Variants in EVC observed in about 807,000 individuals in gnomAD.
EVC encodes the protein EvC ciliary complex subunit 1, also known as evC complex member EVC.
In EVC, 116 loss-of-function variants were observed where a neutral mutation model predicts 118.9. That is an observed-to-expected ratio of 0.98 (90% CI 0.84 to 1.14). EVC has a LOEUF of 1.14. Among genes scored for constraint, EVC ranks in the 50% most tolerant of loss-of-function variants. The probability of loss-of-function intolerance (pLI) is 0.00; values close to 1 mark genes in which losing one functional copy is unlikely to be tolerated. For synonymous variants in EVC, 619 were observed against 534.7 expected, an observed-to-expected ratio of 1.16 and a Z score of -2.18; for missense variants, 1,401 against 1,246.4, an observed-to-expected ratio of 1.12 and a Z score of -1.87.
intron 13 of EVC, among the ~76,000 whole-genome samples, chr4:5,796,219 T>C (rs1713935128): frequency 6.6e-6 from 1 of 152,196 alleles, no homozygotes; most frequent in Admixed American, 6.5e-5. Context: ...CTGGAACATA[T>C]TAATCATAAT....
intron 1 of EVC, among the ~76,000 whole-genome samples, chr4:5,718,518 C>G (rs766846842): frequency 3.3e-5 from 5 of 151,500 alleles, no homozygotes; most frequent in Admixed American, 6.6e-5. Context: ...CACAGAAATG[C>G]AAAAACTGTG....
intron 8 of EVC, among the ~76,000 whole-genome samples, chr4:5,751,157 C>G (rs899695): frequency 0.86 from 131,478 of 152,186 alleles, 57,134 homozygotes; most frequent in African/African-American, 0.97. Flanking sequence ...CTCAATGCTT[C>G]ACGTATTTTG....
chr4:5,770,276 C>T (rs935904571), intron 11 of EVC, among the ~76,000 whole-genome samples: 1 of 152,164 alleles, frequency 6.6e-6, no homozygotes, highest in Non-Finnish European at 1.5e-5. Flanking sequence ...GCCTCCAGCC[C>T]TTCAGAGGTC....
chr4:5,783,703 C>T lies in EVC; in HGVS notation c.1715C>T (p.Ser572Leu). Residue 572 changes from serine to leucine, a missense_variant, in exon 12 of 21, where the codon TCA becomes TTA. Coordinates refer to ENST00000264956, the MANE Select transcript of EVC (RefSeq NM_153717.3). ...AACGCTGCCTGGCAGCTGGGGAAGT[C>T]AAATCGCTTCCGGAGGCAGCAGTGG... The part of the protein sequence containing the change: ...QENAAWQLGK[S>L]NRFRRQQWKL... 2 of 1,613,982 alleles carry T rather than the reference C, an allele frequency of 1.2e-6. No homozygotes were observed. Among genetic ancestry groups the T allele is most frequent in the Non-Finnish European group, 1.7e-6 (2 of 1,179,938 alleles).
At chr4:5,757,503 C>T (rs1444273869) in intron 11 of EVC, among the ~76,000 whole-genome samples, 2 of 152,220 alleles carry the variant, frequency 1.3e-5, no homozygotes, top group Admixed American at 6.5e-5. Context: ...AACAGAAAAG[C>T]GTTCTCTCAA....
intron 1 of EVC, among the ~76,000 whole-genome samples, chr4:5,715,229 T>G (rs1432887522): frequency 1.3e-5 from 2 of 152,224 alleles, no homozygotes; most frequent in African/African-American, 4.8e-5. Context: ...CCATTTTATC[T>G]TCTTGAGAAA....
chr4:5,811,291 G>C lies in EVC; in HGVS notation c.*254G>C. ...TTCATTTGGCTTGGAGCCCTGGCTC[G>C]ATGCCTCATGGATCTTTCTCCCCAA... On this transcript the variant is annotated 3_prime_UTR_variant, in exon 21 of 21. Transcript: ENST00000264956. The C allele has an allele frequency of 2.1e-6, 1 of 469,278 alleles. No individual in the cohort carries two copies. Among genetic ancestry groups the C allele is most frequent in the East Asian group, 4.0e-5 (1 of 24,948 alleles). 29.1% of individuals were successfully genotyped at this position (469,278 alleles called of 1,614,324 possible).
chr4:5,810,518 A>G, intron 20 of EVC, 68 bp downstream of exon 20: 1 of 1,204,690 alleles, frequency 8.3e-7, no homozygotes, highest in Non-Finnish European at 1.2e-6. Context: ...GCTGTGTGCC[A>G]AAAGTCAGGG....
Position 5,742,256 on chromosome 4 carries a change from C to T in EVC, c.801+442C>T, listed in dbSNP as rs1448185809. ...GTATCCTGGCTTTATCTTTTACAAG[C>T]TCTCAGAATCGTAGTTTCCTTTTTG... On this transcript the variant is annotated intron_variant, in intron 6 of 20. Transcript: ENST00000264956. This position sits in a 1 kb window ranked among gnomAD's most constrained non-coding sequence, Gnocchi z 5.2. Among the ~76,000 whole-genome samples the T allele has an allele frequency of 1.3e-5, 2 of 152,156 alleles. No individual in the cohort carries two copies. The highest frequency in any genetic ancestry group is 2.9e-5 in the Non-Finnish European group (2 of 68,040).
chr4:5,774,980 G>T (rs1338403798), intron 11 of EVC, among the ~76,000 whole-genome samples: 7 of 151,062 alleles, frequency 4.6e-5, no homozygotes, highest in African/African-American at 1.7e-4. Flanking sequence ...ACAGGATCCA[G>T]CACATTTCTT....
At position 5,745,266 on chromosome 4, in the gene EVC, T is replaced by C; in HGVS notation, c.864T>C (p.Ala288=). Residue 288 remains alanine, a synonymous_variant, in exon 7 of 21, where the codon GCT becomes GCC. Transcript: ENST00000264956. ...TGTCAAACACAGAAATGTCGGGGGC[T>C]GGTGACTCTGAGTACATCACCCTGG... is the stretch of plus-strand genomic sequence containing the variant. ...VKLSNTEMSG[A]GDSEYITLAD... 6.2e-7 allele frequency: 1 copy of C among 1,614,056 alleles called. No individual in the cohort carries two copies.
Position 5,783,532 on chromosome 4 carries a change from T to C in EVC, c.1564-20T>C. On this transcript the variant is annotated intron_variant, in intron 11 of 20. Transcript: ENST00000264956. ...GGTCCTGCCGTGACCTGTAACCCCA[T>C]CTGTGGTTCTCCGCTCCAGGAGCTG... 6.2e-7 allele frequency: 1 copy of C among 1,613,630 alleles called. No individual in the cohort carries two copies. Among genetic ancestry groups the C allele is most frequent in the South Asian group, 1.1e-5 (1 of 91,034 alleles).
At chr4:5,816,735 T>C (rs532635156), downstream of EVC, among the ~76,000 whole-genome samples, 8 of 143,900 alleles carry the variant, frequency 5.6e-5, no homozygotes, top group East Asian at 1.8e-3. Flanking sequence ...ATCATGGGGC[T>C]GTCAGCTGCA....
rs140333311 is a variant in EVC, at chr4:5,758,014, C to T, written c.1563+1652C>T. 4,852 of 697,352 alleles carry T rather than the reference C, an allele frequency of 7.0e-3. 36 individuals are homozygous for T. Among genetic ancestry groups the T allele is most frequent in the South Asian group, 0.021 (1,389 of 66,470 alleles). The allele number at this position is 697,352 out of a possible 1,614,324, so 43.2% of individuals were successfully genotyped here. A position where few individuals can be genotyped will look rare whatever the true frequency, so the allele number is the denominator to read the frequency against. Reference sequence around the variant, plus strand: ...GCTTTGCAGATGTAATTGGTTAGATCGCACAGTTGGTTAGGTCCTACTGGA... The same window carrying T: ...GCTTTGCAGATGTAATTGGTTAGATTGCACAGTTGGTTAGGTCCTACTGGA... On this transcript the variant is annotated intron_variant, in intron 11 of 20. Coordinates refer to ENST00000264956, the MANE Select transcript of EVC (RefSeq NM_153717.3).
rs1259744157 is a variant in EVC, at chr4:5,749,902, C to A, written c.1098+1596C>A. Among the ~76,000 whole-genome samples, 1 of 152,170 alleles carries A rather than the reference C, an allele frequency of 6.6e-6. No individual in the cohort carries two copies. Among genetic ancestry groups the A allele is most frequent in the Non-Finnish European group, 1.5e-5 (1 of 68,028 alleles). ...TGCTCCTCCAGGTGTGATCCACAGACCACAGCATCGGCAACACTGGGAGCT... is the reference window on the plus strand; with the variant it reads ...TGCTCCTCCAGGTGTGATCCACAGAACACAGCATCGGCAACACTGGGAGCT... On this transcript the variant is annotated intron_variant, in intron 8 of 20. Transcript: ENST00000264956. This position sits in a 1 kb window ranked among gnomAD's most constrained non-coding sequence, Gnocchi z 4.4.
intron 13 of EVC, among the ~76,000 whole-genome samples, chr4:5,795,191 A>G (rs1205561488): frequency 6.6e-6 from 1 of 152,260 alleles, no homozygotes; most frequent in Non-Finnish European, 1.5e-5. Context: ...TGCAATGAAC[A>G]TATAAGTACA....
downstream of EVC, among the ~76,000 whole-genome samples, chr4:5,816,439 C>T (rs1717687137): frequency 1.3e-5 from 2 of 152,186 alleles, no homozygotes; most frequent in Admixed American, 1.3e-4. Context: ...ATGTGGAGGC[C>T]TCCTTAGCCC....
intron 1 of EVC, among the ~76,000 whole-genome samples, chr4:5,714,096 C>T (rs765945388): frequency 2.0e-5 from 3 of 152,172 alleles, no homozygotes; most frequent in Non-Finnish European, 2.9e-5. Context: ...TCTCCGCCTG[C>T]GCGGTCCTTT....
chr4:5,808,410 T>G, intron 18 of EVC, 83 bp downstream of exon 18: 1 of 1,595,054 alleles, frequency 6.3e-7, no homozygotes, highest in Non-Finnish European at 8.6e-7. Context: ...TGACCACACG[T>G]CAGCCATGGG....
Sources: allele counts gnomAD v4.1 joint callset (sites outside exome capture counted in the v4.1 genomes callset), GRCh38; gene constraint gnomAD v4.1.1; non-coding constraint Gnocchi (gnomAD v3.1); transcripts MANE v1.5; gene names NCBI Gene and HGNC (gene_info 2026-07-23, HGNC 2026-07-21).